TVP23C: variants seen among roughly 807,000 people sequenced by gnomAD.
TVP23C encodes Golgi apparatus membrane protein TVP23 homolog C.
A neutral mutation model predicts 28.7 loss-of-function variants in TVP23C; 19 were observed. The observed-to-expected ratio is 0.66, with a 90% CI of 0.46 to 0.97. The LOEUF (loss-of-function observed/expected upper bound fraction) is 0.97, where lower values mean the gene tolerates loss of function less well. TVP23C is among the 50% of genes least tolerant of loss of function. The pLI, the probability that TVP23C is intolerant of heterozygous loss-of-function variation, is 0.00. For synonymous variants in TVP23C, 68 were observed against 81.7 expected (o/e 0.83, Z 0.90); for missense variants, 186 against 241.3 (o/e 0.77, Z 1.52).
intron 5 of TVP23C, among the ~76,000 whole-genome samples, chr17:15,522,205 C>T (rs1197457931): frequency 1.3e-5 from 2 of 152,092 alleles, no homozygotes; most frequent in Non-Finnish European, 1.5e-5. Flanking sequence ...ACTTATGAAA[C>T]ATTTAAGAGA....
At chr17:15,523,012 A>ATT (rs879342813) in intron 5 of TVP23C, among the ~76,000 whole-genome samples, 3 of 146,744 alleles carry the variant, frequency 2.0e-5, no homozygotes, top group African/African-American at 7.5e-5. Flanking sequence ...ATAGAGCAGA[A>ATT]TTTTTTTTTT....
chr17:15,512,782 A>C (rs1203916250), intron 5 of TVP23C, among the ~76,000 whole-genome samples: 1 of 152,216 alleles, frequency 6.6e-6, no homozygotes, highest in Non-Finnish European at 1.5e-5. Flanking sequence ...ATTTCAAGCA[A>C]GTCAATCCTA....
exon 6 of TVP23C, chr17:15,503,228 C>A (rs533900031): frequency 3.3e-6 from 5 of 1,501,430 alleles, no homozygotes; most frequent in South Asian, 1.3e-5. Flanking sequence ...GTGGCGAGAC[C>A]GTCTCTACAA....
chr17:15,554,857 G>A (rs1449049396), intron 2 of TVP23C, among the ~76,000 whole-genome samples: 8 of 152,172 alleles, frequency 5.3e-5, no homozygotes, highest in Non-Finnish European at 1.0e-4. Context: ...TGAAAGAAAA[G>A]TAAAAAACAG....
chr17:15,559,588 G>A (rs1186368885), intron 1 of TVP23C, among the ~76,000 whole-genome samples: 2 of 148,516 alleles, frequency 1.3e-5, no homozygotes, highest in Admixed American at 1.4e-4. Flanking sequence ...GGAGGGGGAG[G>A]GGAGAAGAAG....
chr17:15,551,806 G>A (rs1174389564), intron 3 of TVP23C, among the ~76,000 whole-genome samples: 1 of 152,128 alleles, frequency 6.6e-6, no homozygotes, highest in African/African-American at 2.4e-5. Flanking sequence ...GATGAAGATT[G>A]ATTTTTTGTT....
intron 3 of TVP23C, among the ~76,000 whole-genome samples, chr17:15,553,283 G>A (rs1375517995): frequency 6.6e-6 from 1 of 150,928 alleles, no homozygotes; most frequent in African/African-American, 2.4e-5. Flanking sequence ...GTATTTTTTA[G>A]GTATTTGTGG....
intron 5 of TVP23C, chr17:15,507,265 T>C: frequency 1.3e-6 from 1 of 742,486 alleles, no homozygotes. Context: ...AGAGAAGGCA[T>C]GAATATTGTG....
downstream of TVP23C, among the ~76,000 whole-genome samples, chr17:15,535,404 G>A (rs1044808370): frequency 2.0e-5 from 3 of 150,314 alleles, no homozygotes; most frequent in Non-Finnish European, 4.4e-5. Flanking sequence ...CCCACAGGGA[G>A]AAACTACACA....
chr17:15,506,876 C>T (rs1981774560), intron 5 of TVP23C: 1 of 781,460 alleles, frequency 1.3e-6, no homozygotes, highest in African/African-American at 1.7e-5. Flanking sequence ...GTGGTCAACC[C>T]CACCATGTTC....
intron 3 of TVP23C, among the ~76,000 whole-genome samples, chr17:15,552,419 C>T (rs1339005464): frequency 3.9e-5 from 6 of 152,330 alleles, no homozygotes; most frequent in East Asian, 3.9e-4. Flanking sequence ...CAGTGGCTCA[C>T]GCCTGTAATC....
chr17:15,556,650 G>A (rs151275907), intron 1 of TVP23C, among the ~76,000 whole-genome samples: 2,803 of 152,168 alleles, frequency 0.018, 89 homozygotes, highest in African/African-American at 0.061. Context: ...CACCATGCCC[G>A]GCCCCATAAC....
chr17:15,533,279 G>T (rs1283405184), downstream of TVP23C, among the ~76,000 whole-genome samples: 6 of 152,142 alleles, frequency 3.9e-5, no homozygotes, highest in Non-Finnish European at 7.3e-5. Context: ...TCTGGAGATG[G>T]CCAAAACTCC....
At chr17:15,535,286 C>T (rs1983110778), downstream of TVP23C, among the ~76,000 whole-genome samples, 1 of 151,890 alleles carries the variant, frequency 6.6e-6, no homozygotes. Context: ...ACAGAAGACA[C>T]ATCATGTGAA....
intron 5 of TVP23C, among the ~76,000 whole-genome samples, chr17:15,507,767 A>G (rs1981826278): frequency 6.6e-6 from 1 of 152,160 alleles, no homozygotes; most frequent in African/African-American, 2.4e-5. Flanking sequence ...TGAACCCAGG[A>G]GGCGGAGCTT....
At chr17:15,504,814 GTGTGAGCCAC>G (rs1471268618) in intron 5 of TVP23C, among the ~76,000 whole-genome samples, 2 of 152,136 alleles carry the variant, frequency 1.3e-5, no homozygotes, top group African/African-American at 4.8e-5. Context: ...GAGATTACAG[GTGTGAGCCAC>G]TGTGCTCCAC....
chr17:15,536,784 T>G (rs1166153272), downstream of TVP23C, among the ~76,000 whole-genome samples: 1 of 150,862 alleles, frequency 6.6e-6, no homozygotes, highest in East Asian at 1.9e-4. Context: ...AACAAATTAT[T>G]AATTTTTAAG....
intron 1 of TVP23C, among the ~76,000 whole-genome samples, chr17:15,557,088 G>T (rs1463955603): frequency 1.3e-5 from 2 of 149,018 alleles, no homozygotes; most frequent in African/African-American, 2.4e-5. Context: ...CCCATGCCCT[G>T]CTCACCACCA....
Position 15,544,625 on chromosome 17 carries a change from T to A in TVP23C, c.462+1160A>T, listed in dbSNP as rs1983561932. On this transcript the variant is annotated intron_variant, in intron 5 of 5. Transcript: ENST00000518321. The stretch of plus-strand genomic sequence containing the variant: ...TCTAGAGGTAGGAGGAGGGAGAAGT[T>A]AAAGAAACCATATTAGCGTAAAGTT... 1.3e-5 allele frequency among the ~76,000 whole-genome samples: 2 copies of A among 151,940 alleles called. 1 individual carries two copies. The highest frequency in any genetic ancestry group is 4.1e-4 in the South Asian group (2 of 4,828).
Sources: gnomAD v4.1 joint callset for allele counts (sites outside exome capture counted in the v4.1 genomes callset) on GRCh38, gnomAD v4.1.1 for gene constraint, MANE v1.5 for transcripts, NCBI Gene and HGNC (gene_info 2026-07-23, HGNC 2026-07-21) for gene names.